TECPR2: variants seen among roughly 807,000 people sequenced by gnomAD.
The protein encoded by TECPR2 is tectonin beta-propeller repeat containing 2.
TECPR2 carries 65 observed loss-of-function variants against 138.1 expected under a neutral mutation model. The ratio of observed to expected loss-of-function variants is 0.47; its 90% confidence interval spans 0.39 to 0.58. TECPR2 has a LOEUF of 0.58. Ranked by LOEUF, TECPR2 falls within the 20% of genes least tolerant of loss-of-function variation. The pLI, the probability that TECPR2 is intolerant of heterozygous loss-of-function variation, is 0.00. For synonymous variants in TECPR2, 746 were observed against 749.8 expected (o/e 0.99, Z 0.08); for missense variants, 1,553 against 1,824.5 (o/e 0.85, Z 2.71).
At chr14:102,472,249 GT>G (rs1342932623) in intron 17 of TECPR2, among the ~76,000 whole-genome samples, 2 of 152,190 alleles carry the variant, frequency 1.3e-5, no homozygotes, top group Non-Finnish European at 2.9e-5. Flanking sequence ...GGCCACACAG[GT>G]ACCTGGCAAA....
At chr14:102,468,948 T>C (rs1890607629) in intron 17 of TECPR2, among the ~76,000 whole-genome samples, 1 of 152,264 alleles carries the variant, frequency 6.6e-6, no homozygotes, top group Non-Finnish European at 1.5e-5. Context: ...GACTCTTAGT[T>C]ATATCCCAGT....
chr14:102,424,081 A>C (rs1004896188), intron 5 of TECPR2, among the ~76,000 whole-genome samples: 1 of 152,210 alleles, frequency 6.6e-6, no homozygotes, highest in Non-Finnish European at 1.5e-5. Flanking sequence ...TCTTTGTTGT[A>C]TGAACAGCAT....
At chr14:102,389,851 G>T (rs563666185) in intron 2 of TECPR2, among the ~76,000 whole-genome samples, 2 of 152,194 alleles carry the variant, frequency 1.3e-5, no homozygotes, top group Middle Eastern at 3.4e-3. Context: ...TCCCTACTTT[G>T]TTTTGTCCTA....
At chr14:102,421,087 A>G (rs796199441) in intron 5 of TECPR2, among the ~76,000 whole-genome samples, 12 of 152,382 alleles carry the variant, frequency 7.9e-5, no homozygotes, top group African/African-American at 2.9e-4. Context: ...GTTTGTTAAC[A>G]TGAGTGCTTT....
At chr14:102,382,305 A>G (rs1887856121) in intron 2 of TECPR2, among the ~76,000 whole-genome samples, 1 of 152,084 alleles carries the variant, frequency 6.6e-6, no homozygotes, top group Non-Finnish European at 1.5e-5. Flanking sequence ...AAAAAAAAAA[A>G]GAAAGAAAGT....
intron 10 of TECPR2, among the ~76,000 whole-genome samples, chr14:102,438,699 A>G (rs758046672): frequency 6.6e-6 from 1 of 152,128 alleles, no homozygotes; most frequent in South Asian, 2.1e-4. Flanking sequence ...GTGGGTGAAC[A>G]GTCTACTCCC....
At chr14:102,398,375 T>C (rs1003931133) in intron 2 of TECPR2, among the ~76,000 whole-genome samples, 1 of 152,050 alleles carries the variant, frequency 6.6e-6, no homozygotes, top group African/African-American at 2.4e-5. Flanking sequence ...GAGACTAACA[T>C]GTTTTCTGGG....
At chr14:102,365,924 C>T (rs899176836) in intron 1 of TECPR2, among the ~76,000 whole-genome samples, 5 of 152,170 alleles carry the variant, frequency 3.3e-5, no homozygotes, top group Non-Finnish European at 7.3e-5. Flanking sequence ...TAAATGACTG[C>T]CTCAGTCTCA....
At chr14:102,404,486 A>G (rs928348771) in intron 2 of TECPR2, among the ~76,000 whole-genome samples, 1 of 152,172 alleles carries the variant, frequency 6.6e-6, no homozygotes, top group African/African-American at 2.4e-5. Flanking sequence ...AAGAAATAAG[A>G]AAAAGAAGAG....
At chr14:102,463,416 CAAAAAAAAAAA>C (rs550694466) in intron 16 of TECPR2, among the ~76,000 whole-genome samples, 100 of 38,530 alleles carry the variant, frequency 2.6e-3, no homozygotes, top group Non-Finnish European at 4.6e-3. Context: ...GACTCCGTCT[CAAAAAAAAAAA>C]AAAAAAAAAA....
At position 102,475,165 on chromosome 14, in the gene TECPR2, G is replaced by A. The variant is rs76255943; in HGVS notation, c.3789+9876G>A. ...GGAAGTGCTGTCAGGGCCTTGGAGT[G>A]GTCAGAGGATCTCACAAGAGGTGGC... On this transcript the variant is annotated intron_variant, in intron 17 of 19. Transcript: ENST00000359520. Among the ~76,000 whole-genome samples, 916 of 152,342 alleles carry A rather than the reference G, an allele frequency of 6.0e-3. 15 individuals carry two copies. The highest frequency in any genetic ancestry group is 0.021 in the African/African-American group (883 of 41,568).
At chr14:102,450,872 A>T (rs1890122502) in intron 15 of TECPR2, among the ~76,000 whole-genome samples, 1 of 152,192 alleles carries the variant, frequency 6.6e-6, no homozygotes, top group Admixed American at 6.5e-5. Flanking sequence ...CGTGGTGAAG[A>T]TGAGGGAAAG....
At chr14:102,465,505 G>T in intron 17 of TECPR2, 1 of 1,284,824 alleles carries the variant, frequency 7.8e-7, no homozygotes, top group South Asian at 2.9e-5. Context: ...CAGATTATGA[G>T]TCAACACGTA....
chr14:102,455,510 G>T (rs138340720), intron 16 of TECPR2, among the ~76,000 whole-genome samples: 1 of 152,120 alleles, frequency 6.6e-6, no homozygotes, highest in African/African-American at 2.4e-5. Flanking sequence ...GCAGTGGCAC[G>T]ATCTTGGCTC....
chr14:102,386,338 C>T (rs1413844613), intron 2 of TECPR2, among the ~76,000 whole-genome samples: 2 of 151,964 alleles, frequency 1.3e-5, no homozygotes. Flanking sequence ...GGTGTGGTGG[C>T]GGGCACCTGT....
At chr14:102,412,932 C>CA (rs1022295232) in intron 4 of TECPR2, among the ~76,000 whole-genome samples, 1 of 151,900 alleles carries the variant, frequency 6.6e-6, no homozygotes, top group Non-Finnish European at 1.5e-5. Flanking sequence ...CCATTTCTAC[C>CA]AAAAAACATA....
intron 17 of TECPR2, among the ~76,000 whole-genome samples, chr14:102,487,788 A>G (rs1178105713): frequency 2.5e-4 from 37 of 149,322 alleles, no homozygotes; most frequent in Non-Finnish European, 4.6e-4. Flanking sequence ...TGATCCGCCC[A>G]CCTCGGCCTC....
chr14:102,502,262 G>C lies in TECPR2; in HGVS notation c.*4005G>C, dbSNP rs1357997900. ...GGAGGGAGACAACCCAAACGTTGGA[G>C]GGTATTTGTTGTAAACTTCAAACTT... On this transcript the variant is annotated 3_prime_UTR_variant, in exon 20 of 20. Coordinates refer to ENST00000359520, the MANE Select transcript of TECPR2 (RefSeq NM_014844.5). 1 of 152,664 alleles carries C rather than the reference G, an allele frequency of 6.6e-6. No individual in the cohort carries two copies. The highest frequency in any genetic ancestry group is 1.5e-5 in the Non-Finnish European group (1 of 68,052). 9.5% of individuals were successfully genotyped at this position (152,664 alleles called of 1,614,324 possible).
chr14:102,483,062 A>G (rs1890930372), intron 17 of TECPR2, among the ~76,000 whole-genome samples: 1 of 150,940 alleles, frequency 6.6e-6, no homozygotes, highest in Admixed American at 6.6e-5. Context: ...CGTGTTAGCC[A>G]GGATGGTCTC....
Sources: allele counts gnomAD v4.1 joint callset (sites outside exome capture counted in the v4.1 genomes callset), GRCh38; gene constraint gnomAD v4.1.1; transcripts MANE v1.5; gene names NCBI Gene and HGNC (gene_info 2026-07-23, HGNC 2026-07-21).